Variants in COL4A2 observed in about 807,000 individuals in gnomAD.
The protein encoded by COL4A2 is collagen alpha-2(IV) chain.
In COL4A2, 99 loss-of-function variants were observed where a neutral mutation model predicts 200.2. The observed-to-expected ratio is 0.49, with a 90% CI of 0.42 to 0.58. The LOEUF is 0.58. COL4A2 is among the 20% of genes least tolerant of loss of function. The pLI is 0.00. For missense variants in COL4A2, 1,950 were observed against 2,314.1 expected, an observed-to-expected ratio of 0.84 and a Z score of 3.23; for synonymous variants, 897 against 900.6, an observed-to-expected ratio of 1.00 and a Z score of 0.07.
chr13:110,333,630 G>A (rs911526170), intron 3 of COL4A2, among the ~76,000 whole-genome samples: 2 of 152,138 alleles, frequency 1.3e-5, no homozygotes. Context: ...ACCTGAGATG[G>A]GAAGAGGACC....
At chr13:110,393,101 T>C (rs569185165) in intron 4 of COL4A2, among the ~76,000 whole-genome samples, 1 of 152,372 alleles carries the variant, frequency 6.6e-6, no homozygotes, top group Non-Finnish European at 1.5e-5. Context: ...ACGGTGGTGC[T>C]GAAGGCAACA....
Position 110,503,124 on chromosome 13 carries a change from A to T in COL4A2, c.3881A>T (p.Tyr1294Phe), listed in dbSNP as rs1883708490. ...TTCTTGTCCCTAATGCCAACAGGTT[A>T]TCGGGGCCCACCAGGGCCACCAGGT... ...GAPGIFGLKG[Y>F]RGPPGPPGSA... Residue 1294 changes from tyrosine to phenylalanine, a missense_variant, in exon 42 of 48, where the codon TAT (tyrosine) becomes TTT (phenylalanine). Coordinates refer to ENST00000360467, the MANE Select transcript of COL4A2 (RefSeq NM_001846.4). 1 of 1,613,538 alleles carries T rather than the reference A, an allele frequency of 6.2e-7. No individual in the cohort carries two copies.
intron 3 of COL4A2, among the ~76,000 whole-genome samples, chr13:110,342,754 C>G (rs750973894): frequency 6.6e-6 from 1 of 152,116 alleles, no homozygotes; most frequent in African/African-American, 2.4e-5. Context: ...AAGTTTCTCC[C>G]AAACACAGTG....
At chr13:110,482,682 T>A (rs1256903308) in intron 32 of COL4A2, 23 bp downstream of exon 32, 4 of 1,606,274 alleles carry the variant, frequency 2.5e-6, no homozygotes, top group Non-Finnish European at 3.4e-6. Context: ...CTTAACATCC[T>A]CCTTACCTGG....
intron 4 of COL4A2, among the ~76,000 whole-genome samples, chr13:110,382,801 A>G (rs1436324182): frequency 6.6e-6 from 1 of 152,240 alleles, no homozygotes; most frequent in Non-Finnish European, 1.5e-5. Context: ...AAGAAAGTCA[A>G]AAATAGTTGC....
At chr13:110,448,311 A>G (rs559574869) in intron 18 of COL4A2, among the ~76,000 whole-genome samples, 1 of 152,220 alleles carries the variant, frequency 6.6e-6, no homozygotes, top group African/African-American at 2.4e-5. Context: ...ACTCTCACCA[A>G]CCCCTCCCTT....
At chr13:110,464,738 A>AT (rs1463711963) in intron 24 of COL4A2, among the ~76,000 whole-genome samples, 2 of 152,044 alleles carry the variant, frequency 1.3e-5, no homozygotes, top group African/African-American at 4.8e-5. Context: ...GCGGGAGCTT[A>AT]TGCGCATGGC....
At chr13:110,474,852 CATG>C (rs1882635471) in intron 29 of COL4A2, among the ~76,000 whole-genome samples, 1 of 116,942 alleles carries the variant, frequency 8.6e-6, no homozygotes, top group South Asian at 2.7e-4. Flanking sequence ...CATGCTCAAA[CATG>C]ATCACACACT....
At chr13:110,380,189 A>G (rs1471514132) in intron 4 of COL4A2, among the ~76,000 whole-genome samples, 1 of 152,250 alleles carries the variant, frequency 6.6e-6, no homozygotes, top group Non-Finnish European at 1.5e-5. Context: ...GCATTTGATA[A>G]CAGCTTTTTA....
intron 3 of COL4A2, among the ~76,000 whole-genome samples, chr13:110,326,211 T>C (rs567884660): frequency 2.3e-4 from 35 of 152,274 alleles, no homozygotes; most frequent in African/African-American, 7.7e-4. Context: ...TGGGAGGAGA[T>C]CTGAATTTTT....
At chr13:110,313,506 C>CTGGGTTCCAG (rs1885046251) in intron 3 of COL4A2, among the ~76,000 whole-genome samples, 5 of 150,948 alleles carry the variant, frequency 3.3e-5, no homozygotes, top group Admixed American at 2.0e-4. Context: ...CACCCCGGTG[C>CTGGGTTCCAG]CCCGCGTCCA....
intron 3 of COL4A2, among the ~76,000 whole-genome samples, chr13:110,355,467 T>C (rs1877173207): frequency 9.9e-6 from 1 of 101,256 alleles, no homozygotes. Context: ...AGGGCTGCAC[T>C]AGCTCACCTG....
At chr13:110,450,283 G>C in intron 19 of COL4A2, 22 bp from the exon 20 acceptor site, 1 of 1,609,990 alleles carries the variant, frequency 6.2e-7, no homozygotes, top group Non-Finnish European at 8.5e-7. Context: ...TCACGCTGCA[G>C]GTGAATGCTG....
chr13:110,446,884 T>G lies in COL4A2; in HGVS notation c.1078+20T>G. ...CAAAAGGTGTGTGAACAATTTCACCTGCATAGTTCAGCATCGCATACACAT... is the reference window on the plus strand; with the variant it reads ...CAAAAGGTGTGTGAACAATTTCACCGGCATAGTTCAGCATCGCATACACAT... On this transcript the variant is annotated intron_variant, in intron 18 of 47. Coordinates refer to ENST00000360467, the MANE Select transcript of COL4A2 (RefSeq NM_001846.4). The G allele has an allele frequency of 6.2e-7, 1 of 1,603,940 alleles. No individual in the cohort carries two copies. Among genetic ancestry groups the G allele is most frequent in the Non-Finnish European group, 8.5e-7 (1 of 1,171,424 alleles).
chr13:110,501,312 A>G (rs965364576), intron 40 of COL4A2, among the ~76,000 whole-genome samples: 4 of 152,216 alleles, frequency 2.6e-5, no homozygotes, highest in Non-Finnish European at 4.4e-5. Context: ...CTGTCCACAC[A>G]TATCAGGATC....
At chr13:110,439,206 C>T (rs779336408) in intron 15 of COL4A2, among the ~76,000 whole-genome samples, 2 of 152,076 alleles carry the variant, frequency 1.3e-5, no homozygotes, top group East Asian at 1.9e-4. Context: ...AGGGCTGGGA[C>T]GGGTGGTCAG....
intron 18 of COL4A2, 65 bp from the exon 19 acceptor site, chr13:110,449,614 T>C: frequency 6.9e-7 from 1 of 1,453,822 alleles, no homozygotes; most frequent in South Asian, 1.3e-5. Context: ...AATGAAAAAG[T>C]GAACGCCAGC....
intron 4 of COL4A2, among the ~76,000 whole-genome samples, chr13:110,374,915 G>A (rs1878172824): frequency 6.6e-6 from 1 of 152,150 alleles, no homozygotes; most frequent in African/African-American, 2.4e-5. Context: ...CTAAGTCAAG[G>A]TGAGATACTG....
chr13:110,474,709 TCA>T lies in COL4A2; in HGVS notation c.2425+1562_2425+1563del, dbSNP rs146041328. On this transcript the variant is annotated intron_variant, in intron 29 of 47. Coordinates refer to ENST00000360467, the MANE Select transcript of COL4A2 (RefSeq NM_001846.4). Reference sequence around the variant, plus strand: ...TACCCACACACGTGCCTGTGTACACTCACATGATCACACACGCACGTACCCAC... The same window carrying T: ...TACCCACACACGTGCCTGTGTACACTCATGATCACACACGCACGTACCCAC... Among the ~76,000 whole-genome samples, 14 of 54,914 alleles carry T rather than the reference TCA, an allele frequency of 2.5e-4. 2 individuals carry two copies. The highest frequency in any genetic ancestry group is 7.7e-4 in the African/African-American group (12 of 15,666). The allele number at this position is 54,914 out of a possible 152,430, so 36.0% of individuals were successfully genotyped here.
Sources: gnomAD v4.1 joint callset for allele counts (sites outside exome capture counted in the v4.1 genomes callset) on GRCh38, gnomAD v4.1.1 for gene constraint, MANE v1.5 for transcripts, NCBI Gene and HGNC (gene_info 2026-07-23, HGNC 2026-07-21) for gene names.